Variants in CBFA2T3 observed in about 807,000 individuals in gnomAD.
The protein encoded by CBFA2T3 is CBFA2/RUNX1 partner transcriptional co-repressor 3, also known as transcriptional corepressor CBFA2T3.
CBFA2T3 carries 31 observed loss-of-function variants against 58.6 expected under a neutral mutation model. That is an observed-to-expected ratio of 0.53 (90% CI 0.40 to 0.71). The LOEUF (loss-of-function observed/expected upper bound fraction) is 0.71, where lower values mean the gene tolerates loss of function less well. CBFA2T3 is among the 30% of genes least tolerant of loss of function. The pLI, the probability that CBFA2T3 is intolerant of heterozygous loss-of-function variation, is 0.00. For synonymous variants in CBFA2T3, 531 were observed against 421.9 expected, an observed-to-expected ratio of 1.26 and a Z score of -3.17; for missense variants, 1,076 against 963.1, an observed-to-expected ratio of 1.12 and a Z score of -1.55.
At chr16:88,959,864 A>G (rs1441832228) in intron 1 of CBFA2T3, among the ~76,000 whole-genome samples, 1 of 152,092 alleles carries the variant, frequency 6.6e-6, no homozygotes, top group Non-Finnish European at 1.5e-5. Flanking sequence ...CATCTCTACT[A>G]AAAATACAAA....
intron 1 of CBFA2T3, among the ~76,000 whole-genome samples, chr16:88,969,136 G>C (rs1227689460): frequency 6.6e-6 from 1 of 152,238 alleles, no homozygotes; most frequent in African/African-American, 2.4e-5. Context: ...GCTGCAGCCT[G>C]GCCCGGATGC....
intron 1 of CBFA2T3, among the ~76,000 whole-genome samples, chr16:88,905,159 C>G (rs1283754289): frequency 6.6e-6 from 1 of 151,988 alleles, no homozygotes; most frequent in Non-Finnish European, 1.5e-5. Context: ...AGCGGGGAGT[C>G]TGGAGCTCTG....
chr16:88,947,900 C>CGA (rs1971947206), intron 1 of CBFA2T3, among the ~76,000 whole-genome samples: 1 of 152,090 alleles, frequency 6.6e-6, no homozygotes, highest in African/African-American at 2.4e-5. Flanking sequence ...GGTGATGGAA[C>CGA]GAGACCCTGT....
rs1038906747 is a variant in CBFA2T3 at position 88,926,243 on chromosome 16, C to T, written c.152-24587G>A. On this transcript the variant is annotated intron_variant, in intron 1 of 11. Transcript: ENST00000268679. ...AAGAGCCTAACCTTGTTCCCAGAGG[C>T]GAGGAGTGAATCTGGGTTCCGTGCA... Among the ~76,000 whole-genome samples, 8 of 137,830 alleles carry T rather than the reference C, an allele frequency of 5.8e-5. No individual in the cohort carries two copies. The South Asian group carries it at 1.4e-3, about 24-fold the overall frequency. 90.4% of individuals were successfully genotyped at this position (137,830 alleles called of 152,430 possible).
intron 1 of CBFA2T3, among the ~76,000 whole-genome samples, chr16:88,930,281 A>G (rs1971248066): frequency 6.7e-6 from 1 of 149,818 alleles, no homozygotes; most frequent in African/African-American, 2.5e-5. Context: ...TGGTCCACGC[A>G]AAAGCTACCA....
intron 1 of CBFA2T3, chr16:88,941,210 G>A (rs1971715575): frequency 1.0e-6 from 1 of 976,688 alleles, no homozygotes; most frequent in Non-Finnish European, 1.2e-6. Context: ...CCTGGGCCAT[G>A]CCGGGGACTC....
chr16:88,908,701 G>A (rs1006916438), intron 1 of CBFA2T3, among the ~76,000 whole-genome samples: 1 of 152,214 alleles, frequency 6.6e-6, no homozygotes, highest in Non-Finnish European at 1.5e-5. Flanking sequence ...TCCCCGCCTC[G>A]TACCCTCGCC....
At chr16:88,957,594 A>C (rs1403884401) in intron 1 of CBFA2T3, 2 of 152,298 alleles carry the variant, frequency 1.3e-5, no homozygotes, top group East Asian at 3.8e-4. Context: ...GGCTCACCTG[A>C]GACACACAGC....
intron 8 of CBFA2T3, among the ~76,000 whole-genome samples, chr16:88,881,776 G>C (rs1330312763): frequency 6.6e-6 from 1 of 152,236 alleles, no homozygotes; most frequent in Non-Finnish European, 1.5e-5. Context: ...CTCTGCCTCA[G>C]GGACCTGGCT....
intron 3 of CBFA2T3, among the ~76,000 whole-genome samples, chr16:88,896,413 A>G (rs1969889117): frequency 6.6e-6 from 1 of 152,130 alleles, no homozygotes; most frequent in Non-Finnish European, 1.5e-5. Flanking sequence ...AGCGCGCGGC[A>G]CCGATAACGG....
At chr16:88,930,470 C>G (rs928502983) in intron 1 of CBFA2T3, among the ~76,000 whole-genome samples, 4 of 152,048 alleles carry the variant, frequency 2.6e-5, no homozygotes, top group African/African-American at 9.7e-5. Context: ...AACGGACACA[C>G]AAAACGTGGT....
intron 1 of CBFA2T3, among the ~76,000 whole-genome samples, chr16:88,973,872 A>G (rs751334249): frequency 6.6e-6 from 1 of 151,852 alleles, no homozygotes; most frequent in Non-Finnish European, 1.5e-5. Flanking sequence ...CCCAGTCCCC[A>G]TAACATCTGC....
Position 88,976,891 on chromosome 16 carries a change from A to G in CBFA2T3, c.-84T>C. ...CCTTTCCCGACCTCCTGCAGCCTTG[A>G]GGGAAAGAGGAGGGGCTGGGCCAGC... is the stretch of plus-strand genomic sequence containing the variant. On this transcript the variant is annotated 5_prime_UTR_variant, in exon 1 of 12. Transcript: ENST00000268679. 1 of 1,464,492 alleles carries G rather than the reference A, an allele frequency of 6.8e-7. No individual in the cohort carries two copies. The highest frequency in any genetic ancestry group is 9.2e-7 in the Non-Finnish European group (1 of 1,092,474). The allele number at this position is 1,464,492 out of a possible 1,614,324, so 90.7% of individuals were successfully genotyped here. A position where few individuals can be genotyped will look rare whatever the true frequency, so the allele number is the denominator to read the frequency against.
At position 88,885,238 on chromosome 16, in the gene CBFA2T3, G is replaced by A; in HGVS notation, c.925C>T (p.Leu309=). ...CGTTTGCTGAGGTGCTCGGGGTGCA[G>A]CGGGTCGCGGTCTGACCCGTTCTCT... is the stretch of plus-strand genomic sequence containing the variant. ...TKENGSDRDP[L]HPEHLSKRPC... The change falls in exon 7 of 12, where the codon CTG becomes TTG. Residue 309 remains leucine (L), a synonymous_variant. Coordinates refer to ENST00000268679, the MANE Select transcript of CBFA2T3 (RefSeq NM_005187.6). The surrounding 1 kb of genome is among the most constrained non-coding windows in gnomAD (Gnocchi z 5.3). The A allele has an allele frequency of 4.4e-6, 7 of 1,579,464 alleles. No homozygotes were observed. The highest frequency in any genetic ancestry group is 6.0e-6 in the Non-Finnish European group (7 of 1,159,030).
At chr16:88,973,853 C>A (rs1441185404) in intron 1 of CBFA2T3, among the ~76,000 whole-genome samples, 2 of 152,184 alleles carry the variant, frequency 1.3e-5, no homozygotes, top group African/African-American at 4.8e-5. Context: ...GGTGCCTTCA[C>A]AGCATCTGCC....
chr16:88,973,327 C>G (rs1454383131), intron 1 of CBFA2T3, among the ~76,000 whole-genome samples: 1 of 152,156 alleles, frequency 6.6e-6, no homozygotes, highest in Admixed American at 6.5e-5. Flanking sequence ...GTAGTGGCTG[C>G]GGCACGGCGG....
intron 1 of CBFA2T3, among the ~76,000 whole-genome samples, chr16:88,975,846 TGTGA>T (rs1278391675): frequency 2.0e-5 from 3 of 152,220 alleles, no homozygotes; most frequent in Admixed American, 6.5e-5. Flanking sequence ...GGGTTCTGTG[TGTGA>T]GTGTCAGGGG....
chr16:88,957,164 G>T (rs13329773), intron 1 of CBFA2T3, among the ~76,000 whole-genome samples: 32,174 of 152,156 alleles, frequency 0.21, 4,158 homozygotes, highest in Middle Eastern at 0.44. Context: ...ACACGAGATT[G>T]GTTGCTCACT....
At chr16:88,931,655 C>G (rs3826080) in intron 1 of CBFA2T3, among the ~76,000 whole-genome samples, 11,573 of 108,536 alleles carry the variant, frequency 0.11, 864 homozygotes, top group South Asian at 0.13. Flanking sequence ...GGGCCGTGGG[C>G]TGGCCCCATG....
Sources: gnomAD v4.1 joint callset for allele counts (sites outside exome capture counted in the v4.1 genomes callset) on GRCh38, gnomAD v4.1.1 for gene constraint, Gnocchi (gnomAD v3.1) non-coding constraint, MANE v1.5 for transcripts, NCBI Gene and HGNC (gene_info 2026-07-23, HGNC 2026-07-21) for gene names.